The following PCDHA1 variants were observed in gnomAD, a reference collection of about 807,000 sequenced individuals.
PCDHA1 encodes the protein protocadherin alpha-1.
PCDHA1 carries 42 observed loss-of-function variants against 61.3 expected under a neutral mutation model. That is an observed-to-expected ratio of 0.69 (90% CI 0.54 to 0.89). The LOEUF (loss-of-function observed/expected upper bound fraction) is 0.89. Ranked by LOEUF, PCDHA1 falls within the 40% of genes least tolerant of loss-of-function variation. The pLI is 0.00. For synonymous variants in PCDHA1, 610 were observed against 553.8 expected (o/e 1.10, Z -1.43); for missense variants, 1,256 against 1,235.3 (o/e 1.02, Z -0.25).
rs782131783 is a variant in PCDHA1 at position 140,786,783 on chromosome 5, A to G, written c.493A>G (p.Asn165Asp). 2 of 1,614,256 alleles carry G rather than the reference A, an allele frequency of 1.2e-6. No homozygotes were observed. Among genetic ancestry groups the G allele is most frequent in the Admixed American group, 1.7e-5 (1 of 60,032 alleles). Residue 165 changes from asparagine to aspartate, a missense_variant, in exon 1 of 4, where the codon AAC becomes GAC. Transcript: ENST00000504120. ...AGCTGCTGATGCAGACATTGGTGCT[A>G]ACGCTCTTCTAACGTACACGCTCAG... is the stretch of plus-strand genomic sequence containing the variant. ...EGAADADIGA[N>D]ALLTYTLSPS...
chr5:140,842,034 A>G, intron 1 of PCDHA1: 1 of 1,613,854 alleles, frequency 6.2e-7, no homozygotes, highest in Non-Finnish European at 8.5e-7. Context: ...GTGAATGATA[A>G]TGCTCCCACT....
chr5:140,857,665 G>C, intron 1 of PCDHA1: 1 of 1,596,910 alleles, frequency 6.3e-7, no homozygotes, highest in East Asian at 2.2e-5. Flanking sequence ...CGCGCGATGG[G>C]GGCGTGCCGC....
chr5:140,850,244 G>GTCGGT, intron 1 of PCDHA1: 1 of 1,593,676 alleles, frequency 6.3e-7, no homozygotes, highest in South Asian at 1.1e-5. Context: ...TGGTGCTGCG[G>GTCGGT]TCGGTGGGCG....
chr5:140,809,169 C>T, intron 1 of PCDHA1: 1 of 1,614,002 alleles, frequency 6.2e-7, no homozygotes, highest in Non-Finnish European at 8.5e-7. Flanking sequence ...GCGCTGACGG[C>T]CACGGCCACT....
At chr5:140,850,731 G>A (rs1366939358) in intron 1 of PCDHA1, 3 of 1,597,906 alleles carry the variant, frequency 1.9e-6, no homozygotes, top group Non-Finnish European at 2.6e-6. Flanking sequence ...TAGCGCGGTG[G>A]GGAGTTGGTC....
intron 1 of PCDHA1, chr5:140,876,605 A>G: frequency 1.2e-6 from 2 of 1,614,060 alleles, no homozygotes; most frequent in South Asian, 1.1e-5. Flanking sequence ...TCGGATCGTG[A>G]CTCTGGAGCC....
rs2150169612 is a variant in PCDHA1 at position 140,829,534 on chromosome 5, C to G, written c.2394+40850C>G. 279 of 1,613,194 alleles carry G rather than the reference C, an allele frequency of 1.7e-4. No homozygotes were observed. The highest frequency in any genetic ancestry group is 2.3e-4 in the Non-Finnish European group (267 of 1,179,876). On this transcript the variant is annotated intron_variant, in intron 1 of 3. Coordinates refer to ENST00000504120, the MANE Select transcript of PCDHA1 (RefSeq NM_018900.4). The stretch of plus-strand genomic sequence containing the variant: ...ACATCTTCACGGTGTCTGCGCGAGA[C>G]GCGGACGCGCAGGAGAACGCGCTGG...
intron 1 of PCDHA1, chr5:140,831,134 T>C (rs1466835760): frequency 1.3e-5 from 2 of 152,216 alleles, no homozygotes; most frequent in Non-Finnish European, 2.9e-5. Context: ...TTATGGTTAT[T>C]GATTTATTTA....
intron 3 of PCDHA1, among the ~76,000 whole-genome samples, chr5:140,990,426 G>A (rs3756324): frequency 0.3 from 46,292 of 152,022 alleles, 7,253 homozygotes; most frequent in East Asian, 0.43. Flanking sequence ...AACCAGCATT[G>A]ACCCAATCTT....
rs77940063 is a variant in PCDHA1, at chr5:140,966,638, T to G, written c.2395-12311T>G. Reference sequence around the variant, plus strand: ...ACGGAGGGAGCGGCCCCAGGCGCTTTCTAGAGCGTGAGCGGTGGGGGAGCA... The same window carrying G: ...ACGGAGGGAGCGGCCCCAGGCGCTTGCTAGAGCGTGAGCGGTGGGGGAGCA... On this transcript the variant is annotated intron_variant, in intron 1 of 3. Transcript: ENST00000504120. The G allele has an allele frequency of 3.9e-3, 4,251 of 1,090,104 alleles. 104 individuals carry two copies. The African/African-American group carries it at 0.057, about 15-fold the overall frequency. 67.5% of individuals were successfully genotyped at this position (1,090,104 alleles called of 1,614,324 possible).
chr5:140,856,367 G>C, intron 1 of PCDHA1: 1 of 1,598,612 alleles, frequency 6.3e-7, no homozygotes, highest in Non-Finnish European at 8.6e-7. Context: ...CCACCTGGAG[G>C]TGATCGTGGA....
chr5:140,947,569 A>G (rs2094145868), intron 1 of PCDHA1, among the ~76,000 whole-genome samples: 1 of 151,666 alleles, frequency 6.6e-6, no homozygotes. Flanking sequence ...TATATTGGGA[A>G]TGTTTTTAAC....
At chr5:140,905,669 A>T (rs781948009) in intron 1 of PCDHA1, among the ~76,000 whole-genome samples, 1 of 152,228 alleles carries the variant, frequency 6.6e-6, no homozygotes, top group Non-Finnish European at 1.5e-5. Flanking sequence ...ATCCATTAAC[A>T]TGGAACATAT....
intron 1 of PCDHA1, chr5:140,966,387 C>G: frequency 2.5e-6 from 1 of 405,008 alleles, no homozygotes. Context: ...GGTTCGCTGT[C>G]CGCCACTTCG....
intron 1 of PCDHA1, chr5:140,854,421 A>T (rs1331549600): frequency 1.3e-5 from 2 of 151,624 alleles, no homozygotes; most frequent in Admixed American, 1.3e-4. Flanking sequence ...TAATCTCTAA[A>T]ATCAGAATTT....
chr5:140,856,356 T>A lies in PCDHA1; in HGVS notation c.2394+67672T>A, dbSNP rs782497272. ...TGCGGGCGGAGCGTGGAGTGCAGCA[T>A]CCACCTGGAGGTGATCGTGGACAGG... On this transcript the variant is annotated intron_variant, in intron 1 of 3. Coordinates refer to ENST00000504120, the MANE Select transcript of PCDHA1 (RefSeq NM_018900.4). 3 of 1,598,530 alleles carry A rather than the reference T, an allele frequency of 1.9e-6. 1 individual carries two copies. Among genetic ancestry groups the A allele is most frequent in the South Asian group, 2.2e-5 (2 of 90,522 alleles).
At chr5:140,863,178 C>T (rs1420894530) in intron 1 of PCDHA1, 2 of 736,748 alleles carry the variant, frequency 2.7e-6, no homozygotes, top group Non-Finnish European at 4.7e-6. Flanking sequence ...TGACTGCCAC[C>T]GTCACCGTGG....
rs2150116611 is a variant in PCDHA1 at position 140,822,468 on chromosome 5, A to G, written c.2394+33784A>G. On this transcript the variant is annotated intron_variant, in intron 1 of 3. Coordinates refer to ENST00000504120, the MANE Select transcript of PCDHA1 (RefSeq NM_018900.4). Reference sequence around the variant, plus strand: ...GTACAGTTCAGTTGTTGATCAATGTATTGGATGCTAATGATAACGCCCCAG... The same window carrying G: ...GTACAGTTCAGTTGTTGATCAATGTGTTGGATGCTAATGATAACGCCCCAG... 11 of 1,613,676 alleles carry G rather than the reference A, an allele frequency of 6.8e-6. No individual in the cohort carries two copies. The African/African-American group carries it at 1.5e-4, about 22-fold the overall frequency.
intron 1 of PCDHA1, chr5:140,843,004 C>G (rs782142006): frequency 6.3e-7 from 1 of 1,595,032 alleles, no homozygotes; most frequent in Non-Finnish European, 8.6e-7. Flanking sequence ...AGAATGACAA[C>G]GCGCCGGCAC....
Sources: allele counts gnomAD v4.1 joint callset (sites outside exome capture counted in the v4.1 genomes callset), GRCh38; gene constraint gnomAD v4.1.1; transcripts MANE v1.5; gene names NCBI Gene and HGNC (gene_info 2026-07-23, HGNC 2026-07-21).